Variants in CMC2 observed in about 807,000 individuals in gnomAD.
CMC2 encodes C-X9-C motif containing 2, also known as COX assembly mitochondrial protein 2 homolog.
A neutral mutation model predicts 7.5 loss-of-function variants in CMC2; 5 were observed. The ratio of observed to expected loss-of-function variants is 0.66; its 90% CI spans 0.35 to 1.40. The LOEUF is 1.40. Ranked by LOEUF, CMC2 falls within the 40% of genes most tolerant of loss-of-function variation. The pLI is 0.04. For missense variants in CMC2, 115 were observed against 92.3 expected (o/e 1.25, Z -1.01); for synonymous variants, 37 against 31.4 (o/e 1.18, Z -0.60).
chr16:80,973,006 G>A lies in CMC2; in HGVS notation c.*3087C>T, dbSNP rs1215480526. Reference sequence around the variant, plus strand: ...AGCTTCTTCGGCTTCCACTGCATATGGGAATTCAAAATATTTGGAAATCCT... The same window carrying A: ...AGCTTCTTCGGCTTCCACTGCATATAGGAATTCAAAATATTTGGAAATCCT... On this transcript the variant is annotated 3_prime_UTR_variant, in exon 4 of 4. Coordinates refer to ENST00000219400, the MANE Select transcript of CMC2 (RefSeq NM_020188.5). 2 of 152,318 alleles carry A rather than the reference G, an allele frequency of 1.3e-5. No homozygotes were observed. The highest frequency in any genetic ancestry group is 2.9e-5 in the Non-Finnish European group (2 of 68,108). The allele number at this position is 152,318 out of a possible 1,614,324, so 9.4% of individuals were successfully genotyped here. A position where few individuals can be genotyped will look rare whatever the true frequency, so the allele number is the denominator to read the frequency against.
At chr16:81,004,604 T>G (rs1234183163) in intron 1 of CMC2, among the ~76,000 whole-genome samples, 1 of 152,220 alleles carries the variant, frequency 6.6e-6, no homozygotes, top group African/African-American at 2.4e-5. Context: ...TCCTTAAAAT[T>G]TTCAGCTGTC....
At chr16:80,989,008 G>A (rs926452661) in intron 2 of CMC2, among the ~76,000 whole-genome samples, 5 of 152,180 alleles carry the variant, frequency 3.3e-5, no homozygotes, top group African/African-American at 9.7e-5. Flanking sequence ...TACCCTAGAA[G>A]TGATGTTGTG....
At chr16:80,981,004 C>G (rs376842795) in intron 3 of CMC2, 1 of 418,476 alleles carries the variant, frequency 2.4e-6, no homozygotes, top group African/African-American at 2.1e-5. Flanking sequence ...GGAAAAACAG[C>G]CTAAGCAGAA....
chr16:80,982,575 A>G (rs1967208576), intron 2 of CMC2: 1 of 151,770 alleles, frequency 6.6e-6, no homozygotes, highest in Non-Finnish European at 1.5e-5. Flanking sequence ...TACTACCATA[A>G]AACATATACA....
rs192485352 is a variant in CMC2 at position 80,980,833 on chromosome 16, G to A, written c.153+973C>T. The A allele has an allele frequency of 4.9e-5, 34 of 700,112 alleles. No homozygotes were observed. The African/African-American group carries it at 4.9e-4, about 10-fold the overall frequency. The allele number at this position is 700,112 out of a possible 1,614,324, so 43.4% of individuals were successfully genotyped here. On this transcript the variant is annotated intron_variant, in intron 3 of 3. Transcript: ENST00000219400. ...TCACTTGAGTTTGAGGCTTCCGTGA[G>A]TTACGATCACCCTACTGCACTCCAG...
intron 1 of CMC2, among the ~76,000 whole-genome samples, chr16:81,000,896 A>G (rs772324169): frequency 1.1e-4 from 16 of 152,268 alleles, no homozygotes; most frequent in African/African-American, 3.6e-4. Context: ...ACATGCACTC[A>G]TAAGTTCTTT....
chr16:80,976,222 A>T, intron 3 of CMC2, 43 bp from the exon 4 acceptor site: 1 of 1,048,310 alleles, frequency 9.5e-7, no homozygotes, highest in Non-Finnish European at 1.4e-6. Context: ...ACAGCAGATT[A>T]TGTCACTATT....
chr16:80,969,620 G>C lies in CMC2; in HGVS notation c.*6473C>G, dbSNP rs1167068819. 1 of 152,376 alleles carries C rather than the reference G, an allele frequency of 6.6e-6. No homozygotes were observed. Among genetic ancestry groups the C allele is most frequent in the African/African-American group, 2.4e-5 (1 of 41,456 alleles). 9.4% of individuals were successfully genotyped at this position (152,376 alleles called of 1,614,324 possible). A position where few individuals can be genotyped will look rare whatever the true frequency, so the allele number is the denominator to read the frequency against. ...GTGATGAAGAGAGCCAGGCACGGTGGTTCAGGCCTGTAATCCCAGCACTTC... is the reference window on the plus strand; with the variant it reads ...GTGATGAAGAGAGCCAGGCACGGTGCTTCAGGCCTGTAATCCCAGCACTTC... On this transcript the variant is annotated 3_prime_UTR_variant, in exon 4 of 4. Transcript: ENST00000219400.
intron 3 of CMC2, among the ~76,000 whole-genome samples, chr16:80,977,599 G>A (rs545448204): frequency 6.6e-6 from 1 of 152,188 alleles, no homozygotes; most frequent in South Asian, 2.1e-4. Flanking sequence ...ACCCAAGAGA[G>A]AGTAATGAGG....
chr16:81,005,596 G>C (rs920100652), intron 1 of CMC2, among the ~76,000 whole-genome samples: 19 of 63,326 alleles, frequency 3.0e-4, no homozygotes, highest in African/African-American at 6.8e-4. Flanking sequence ...CACAGGACCA[G>C]TTCTAAACCG....
rs548186879 is a variant in CMC2, at chr16:80,979,464, A to T, written c.153+2342T>A. ...AGATCTAATTGACAAAGCAGTGGCA[A>T]AATTTCTGAACTATACAGGAAAAAA... is the stretch of plus-strand genomic sequence containing the variant. On this transcript the variant is annotated intron_variant, in intron 3 of 3. Transcript: ENST00000219400. Among the ~76,000 whole-genome samples the T allele has an allele frequency of 1.1e-3, 160 of 152,294 alleles. 1 individual carries two copies. The highest frequency in any genetic ancestry group is 3.4e-3 in the Middle Eastern group (1 of 294).
At chr16:81,000,103 T>C (rs3112036) in intron 1 of CMC2, among the ~76,000 whole-genome samples, 95,858 of 152,072 alleles carry the variant, frequency 0.63, 31,725 homozygotes, top group South Asian at 0.79. Context: ...ACCTACAGAA[T>C]AGGACAAAAT....
chr16:80,997,051 G>GT (rs1567529306), intron 2 of CMC2: 2 of 528,738 alleles, frequency 3.8e-6, no homozygotes, highest in African/African-American at 1.9e-5. Flanking sequence ...GCATTTTATT[G>GT]TAAGAACATG....
rs564969406 is a variant in CMC2 at position 80,974,766 on chromosome 16, A to G, written c.*1327T>C. ...CAAAATGTCTCATTTCTGTATTTCT[A>G]CTGCCTGACACTAGGGGGACTGAAT... is the stretch of plus-strand genomic sequence containing the variant. On this transcript the variant is annotated 3_prime_UTR_variant, in exon 4 of 4. Coordinates refer to ENST00000219400, the MANE Select transcript of CMC2 (RefSeq NM_020188.5). 9.2e-5 allele frequency: 14 copies of G among 152,338 alleles called. No homozygotes were observed. The highest frequency in any genetic ancestry group is 2.6e-4 in the African/African-American group (11 of 41,576). 9.4% of individuals were successfully genotyped at this position (152,338 alleles called of 1,614,324 possible).
chr16:80,997,422 A>G lies in CMC2; in HGVS notation c.-28T>C. Reference sequence around the variant, plus strand: ...TTAGGAGATGAGGATGGATCACAGCAGTGCAACCTGTGGATACAAGAGTGT... The same window carrying G: ...TTAGGAGATGAGGATGGATCACAGCGGTGCAACCTGTGGATACAAGAGTGT... On this transcript the variant is annotated 5_prime_UTR_variant, in exon 2 of 4. Transcript: ENST00000219400. The G allele has an allele frequency of 1.3e-6, 2 of 1,560,334 alleles. No homozygotes were observed. Among genetic ancestry groups the G allele is most frequent in the Non-Finnish European group, 1.8e-6 (2 of 1,131,476 alleles).
Position 80,970,762 on chromosome 16 carries a change from T to A in CMC2, c.*5331A>T, listed in dbSNP as rs1911857690. The A allele has an allele frequency of 6.6e-6, 1 of 152,158 alleles. No individual in the cohort carries two copies. Among genetic ancestry groups the A allele is most frequent in the Non-Finnish European group, 1.5e-5 (1 of 68,042 alleles). 9.4% of individuals were successfully genotyped at this position (152,158 alleles called of 1,614,324 possible). On this transcript the variant is annotated 3_prime_UTR_variant, in exon 4 of 4. Coordinates refer to ENST00000219400, the MANE Select transcript of CMC2 (RefSeq NM_020188.5). The stretch of plus-strand genomic sequence containing the variant: ...ATAAATATACAGAAGTCAATTACAC[T>A]CCAATGTATCAGTAATAGGAAATTA...
chr16:80,971,773 G>C lies in CMC2; in HGVS notation c.*4320C>G, dbSNP rs1270021973. The C allele has an allele frequency of 1.3e-5, 2 of 151,842 alleles. No homozygotes were observed. The highest frequency in any genetic ancestry group is 2.9e-5 in the Non-Finnish European group (2 of 68,020). 9.4% of individuals were successfully genotyped at this position (151,842 alleles called of 1,614,324 possible). Reference sequence around the variant, plus strand: ...CTGTATTTTTTAAAAGTATGACTTAGATAGCAGCTATGTGAGTGTTCGTAT... The same window carrying C: ...CTGTATTTTTTAAAAGTATGACTTACATAGCAGCTATGTGAGTGTTCGTAT... On this transcript the variant is annotated 3_prime_UTR_variant, in exon 4 of 4. Coordinates refer to ENST00000219400, the MANE Select transcript of CMC2 (RefSeq NM_020188.5).
At chr16:80,989,808 T>C (rs1462979019) in intron 2 of CMC2, among the ~76,000 whole-genome samples, 3 of 152,242 alleles carry the variant, frequency 2.0e-5, no homozygotes, top group Non-Finnish European at 4.4e-5. Context: ...TCTATATTTA[T>C]GACAGTAAGA....
chr16:80,999,666 A>G (rs1304863239), intron 1 of CMC2, among the ~76,000 whole-genome samples: 10 of 152,250 alleles, frequency 6.6e-5, no homozygotes, highest in Admixed American at 6.5e-4. Context: ...ACTTCAGACT[A>G]TAAGGCTACA....
Sources: allele counts gnomAD v4.1 joint callset (sites outside exome capture counted in the v4.1 genomes callset), GRCh38; gene constraint gnomAD v4.1.1; transcripts MANE v1.5; gene names NCBI Gene and HGNC (gene_info 2026-07-23, HGNC 2026-07-21).